NHERF4: variants seen among roughly 807,000 people sequenced by gnomAD.
NHERF4 encodes Na(+)/H(+) exchange regulatory cofactor NHE-RF4.
chr11:119,187,880 G>T, the NHERF4 span: 10 of 1,483,584 alleles, frequency 6.7e-6, no homozygotes, highest in Admixed American at 2.4e-5. Context: ...GCTGTGGGGG[G>T]AGCATACCTC....
At chr11:119,186,247 C>T in the NHERF4 span, 5 of 1,613,492 alleles carry the variant, frequency 3.1e-6, no homozygotes, top group Non-Finnish European at 4.2e-6. This position sits in a 1 kb window ranked among gnomAD's most constrained non-coding sequence, Gnocchi z 4.4. Flanking sequence ...CCTTGGTAAC[C>T]ACTCACTCGG....
the NHERF4 span, chr11:119,186,324 A>G: frequency 6.4e-7 from 1 of 1,571,164 alleles, no homozygotes; most frequent in Non-Finnish European, 8.7e-7. This position sits in a 1 kb window ranked among gnomAD's most constrained non-coding sequence, Gnocchi z 4.4. Flanking sequence ...CTCCTGTCCC[A>G]GTCCCTCTGC....
the NHERF4 span, chr11:119,187,625 G>GC: frequency 2.2e-5 from 35 of 1,571,202 alleles, no homozygotes; most frequent in African/African-American, 6.8e-5. Context: ...GGGCAGGGGT[G>GC]CCCCCCGGGG....
chr11:119,186,423 T>G, the NHERF4 span: 5 of 1,599,194 alleles, frequency 3.1e-6, no homozygotes, highest in Non-Finnish European at 4.3e-6. This position sits in a 1 kb window ranked among gnomAD's most constrained non-coding sequence, Gnocchi z 4.4. Context: ...ACGGCGAACC[T>G]GTACTTGGGC....
the NHERF4 span, chr11:119,187,865 G>A: frequency 2.0e-6 from 3 of 1,472,264 alleles, no homozygotes; most frequent in Non-Finnish European, 2.7e-6. Flanking sequence ...TGCCTGGGAG[G>A]AGGGGCTGTG....
the NHERF4 span, among the ~76,000 whole-genome samples, chr11:119,186,873 T>G: frequency 6.6e-6 from 1 of 152,080 alleles, no homozygotes; most frequent in Non-Finnish European, 1.5e-5. The surrounding 1 kb of genome is among the most constrained non-coding windows in gnomAD (Gnocchi z 4.4). Context: ...GCGCAGTGGC[T>G]CACGCCTGTA....
chr11:119,187,179 T>A, the NHERF4 span: 1 of 1,035,938 alleles, frequency 9.7e-7, no homozygotes, highest in Non-Finnish European at 1.3e-6. Context: ...AAAAGCCGAT[T>A]CCCTTGGCAA....
At chr11:119,188,344 C>T in the NHERF4 span, 1 of 1,613,614 alleles carries the variant, frequency 6.2e-7, no homozygotes. Context: ...GTGAGGATGT[C>T]TATGCCCCAG....
the NHERF4 span, chr11:119,186,376 C>T: frequency 1.3e-6 from 2 of 1,557,654 alleles, no homozygotes; most frequent in East Asian, 2.2e-5. The surrounding 1 kb of genome is among the most constrained non-coding windows in gnomAD (Gnocchi z 4.4). Context: ...GCAGAAACTG[C>T]CCAGCACCCT....
the NHERF4 span, chr11:119,186,301 G>A: frequency 1.3e-6 from 2 of 1,593,222 alleles, no homozygotes; most frequent in African/African-American, 2.7e-5. The surrounding 1 kb of genome is among the most constrained non-coding windows in gnomAD (Gnocchi z 4.4). Flanking sequence ...AGATAGGAGG[G>A]GCCGGGTGTT....
the NHERF4 span, chr11:119,188,992 CCCA>C: frequency 6.8e-6 from 11 of 1,613,860 alleles, no homozygotes; most frequent in Non-Finnish European, 5.9e-6. Flanking sequence ...TCTGCATGCC[CCCA>C]CAACACCAGG....
At chr11:119,186,321 C>A in the NHERF4 span, 1 of 1,572,160 alleles carries the variant, frequency 6.4e-7, no homozygotes, top group Non-Finnish European at 8.7e-7. The surrounding 1 kb of genome is among the most constrained non-coding windows in gnomAD (Gnocchi z 4.4). Context: ...TTTCTCCTGT[C>A]CCAGTCCCTC....
chr11:119,187,955 C>T, the NHERF4 span: 1 of 1,569,494 alleles, frequency 6.4e-7, no homozygotes, highest in South Asian at 1.2e-5. Flanking sequence ...GCAGAGTGGA[C>T]AGCAGGTGAC....
the NHERF4 span, chr11:119,186,714 A>C: frequency 1.9e-6 from 3 of 1,569,558 alleles, no homozygotes; most frequent in Admixed American, 1.8e-5. This position sits in a 1 kb window ranked among gnomAD's most constrained non-coding sequence, Gnocchi z 4.4. Context: ...CCAGGAGAGC[A>C]TGCTAGCACC....
chr11:119,186,595 G>C, the NHERF4 span: 1 of 1,614,100 alleles, frequency 6.2e-7, no homozygotes, highest in Middle Eastern at 1.7e-4. This position sits in a 1 kb window ranked among gnomAD's most constrained non-coding sequence, Gnocchi z 4.4. Flanking sequence ...GTGCAGGGTG[G>C]ACCCAGGCAC....
the NHERF4 span, chr11:119,189,066 T>C: frequency 6.2e-7 from 1 of 1,614,020 alleles, no homozygotes. This position sits in a 1 kb window ranked among gnomAD's most constrained non-coding sequence, Gnocchi z 5.8. Context: ...ATTCTGGAAG[T>C]GAACGGGTAT....
At chr11:119,188,967 C>A in the NHERF4 span, 1 of 1,613,400 alleles carries the variant, frequency 6.2e-7, no homozygotes, top group Non-Finnish European at 8.5e-7. Flanking sequence ...CAAACTTTCC[C>A]CCGGTGTCCC....
the NHERF4 span, chr11:119,190,203 T>C: frequency 8.4e-7 from 1 of 1,188,722 alleles, no homozygotes; most frequent in African/African-American, 1.5e-5. The surrounding 1 kb of genome is among the most constrained non-coding windows in gnomAD (Gnocchi z 4.2). Context: ...AAAATAAAAA[T>C]AAAAATAAGA....
the NHERF4 span, chr11:119,186,268 A>G: frequency 6.2e-7 from 1 of 1,612,550 alleles, no homozygotes; most frequent in African/African-American, 1.3e-5. The surrounding 1 kb of genome is among the most constrained non-coding windows in gnomAD (Gnocchi z 4.4). Flanking sequence ...TCTCCCTCTG[A>G]TAACAGCCTT....
Sources: gnomAD v4.1 joint callset for allele counts (sites outside exome capture counted in the v4.1 genomes callset) on GRCh38, gnomAD v4.1.1 for gene constraint, Gnocchi (gnomAD v3.1) non-coding constraint, MANE v1.5 for transcripts, NCBI Gene and HGNC (gene_info 2026-07-23, HGNC 2026-07-21) for gene names.